PAQR5: variants seen among roughly 807,000 people sequenced by gnomAD.
The protein encoded by PAQR5 is progestin and adipoQ receptor family member 5.
PAQR5 carries 20 observed loss-of-function variants against 34.5 expected under a neutral mutation model. The observed-to-expected ratio is 0.58, with a 90% CI of 0.41 to 0.84. PAQR5 has a LOEUF of 0.84. Ranked by LOEUF, PAQR5 falls within the 40% of genes least tolerant of loss-of-function variation. The pLI is 0.00. For synonymous variants in PAQR5, 131 were observed against 155.6 expected, an observed-to-expected ratio of 0.84 and a Z score of 1.18; for missense variants, 378 against 412.7, an observed-to-expected ratio of 0.92 and a Z score of 0.73.
chr15:69,301,148 C>A (rs1449632607), intron 1 of PAQR5, among the ~76,000 whole-genome samples: 1 of 151,400 alleles, frequency 6.6e-6, no homozygotes, highest in Non-Finnish European at 1.5e-5. Context: ...GGATTACAGG[C>A]GCCTGCCACC....
At position 69,406,542 on chromosome 15, in the gene PAQR5, A is replaced by G. The variant is rs537144278; in HGVS notation, c.*2720A>G. 1 of 152,244 alleles carries G rather than the reference A, an allele frequency of 6.6e-6. No homozygotes were observed. Among genetic ancestry groups the G allele is most frequent in the African/African-American group, 2.4e-5 (1 of 41,446 alleles). The allele number at this position is 152,244 out of a possible 1,614,324, so 9.4% of individuals were successfully genotyped here. ...TCCCCTCTTCTCACTACTGCACTTG[A>G]CTAGTCTTAAAACAAAGAAAGAACG... On this transcript the variant is annotated 3_prime_UTR_variant, in exon 9 of 9. Coordinates refer to ENST00000395407, the MANE Select transcript of PAQR5 (RefSeq NM_017705.4).
chr15:69,345,441 G>A (rs1049889484), intron 2 of PAQR5, among the ~76,000 whole-genome samples: 14 of 152,180 alleles, frequency 9.2e-5, no homozygotes, highest in African/African-American at 3.4e-4. Context: ...TCCACAGAGT[G>A]TAGGCCAAAG....
At chr15:69,300,960 T>TTTCTTTCTTTCTTTCG in intron 1 of PAQR5, among the ~76,000 whole-genome samples, 1 of 56,752 alleles carries the variant, frequency 1.8e-5, no homozygotes, top group Non-Finnish European at 3.4e-5. Flanking sequence ...TCTTTCTTTC[T>TTTCTTTCTTTCTTTCG]TTCTTTCTTT....
In PAQR5 at chr15:69,404,367, C is replaced by T. The variant is rs956592036; in HGVS notation, c.*545C>T. On this transcript the variant is annotated 3_prime_UTR_variant, in exon 9 of 9. Coordinates refer to ENST00000395407, the MANE Select transcript of PAQR5 (RefSeq NM_017705.4). ...GAGCTGTCTGGGGAGAGCCCTTCTT[C>T]CCTTCTCCACCTAGTGAAGGGAGAA... The T allele has an allele frequency of 2.0e-5, 3 of 153,012 alleles. No homozygotes were observed. The highest frequency in any genetic ancestry group is 4.8e-5 in the African/African-American group (2 of 41,438). The allele number at this position is 153,012 out of a possible 1,614,324, so 9.5% of individuals were successfully genotyped here. A position where few individuals can be genotyped will look rare whatever the true frequency, so the allele number is the denominator to read the frequency against.
intron 2 of PAQR5, among the ~76,000 whole-genome samples, chr15:69,350,591 C>T (rs369184721): frequency 3.6e-4 from 55 of 151,892 alleles, no homozygotes; most frequent in Admixed American, 7.9e-4. Context: ...TGCAGTGAGC[C>T]GAGATTGAGC....
intron 4 of PAQR5, chr15:69,382,750 G>A (rs1727859530): frequency 2.3e-5 from 3 of 131,852 alleles, no homozygotes; most frequent in African/African-American, 8.8e-5. Context: ...ATATATGTGT[G>A]TATATATATG....
intron 1 of PAQR5, among the ~76,000 whole-genome samples, chr15:69,322,353 T>C (rs1004452179): frequency 6.7e-6 from 1 of 148,622 alleles, no homozygotes; most frequent in Non-Finnish European, 1.5e-5. Context: ...CTGGGCGCGG[T>C]AGCGGGCACC....
At position 69,324,684 on chromosome 15, in the gene PAQR5, G is replaced by A. The variant is rs150923107; in HGVS notation, c.-276-12657G>A. On this transcript the variant is annotated intron_variant, in intron 1 of 8. Coordinates refer to ENST00000395407, the MANE Select transcript of PAQR5 (RefSeq NM_017705.4). ...CATTCCCACCCCATTCATATGCAGC[G>A]CACACCAATTCTTCATCTGGCCTCT... is the stretch of plus-strand genomic sequence containing the variant. Among the ~76,000 whole-genome samples the A allele has an allele frequency of 3.7e-3, 568 of 152,046 alleles. 7 individuals are homozygous for A. The highest frequency in any genetic ancestry group is 0.013 in the African/African-American group (546 of 41,454).
chr15:69,397,656 G>A (rs1411911536), intron 7 of PAQR5, 92 bp downstream of exon 7: 2 of 864,310 alleles, frequency 2.3e-6, no homozygotes, highest in Non-Finnish European at 4.0e-6. Context: ...GCACTGCAAT[G>A]GGAACCGCAG....
intron 1 of PAQR5, among the ~76,000 whole-genome samples, chr15:69,311,746 A>G (rs1164288123): frequency 1.3e-5 from 2 of 152,206 alleles, no homozygotes; most frequent in African/African-American, 2.4e-5. Context: ...CTCACTGACC[A>G]AAGCCTGGTG....
At chr15:69,392,944 G>A (rs957548209) in intron 6 of PAQR5, among the ~76,000 whole-genome samples, 2 of 152,066 alleles carry the variant, frequency 1.3e-5, no homozygotes, top group Non-Finnish European at 2.9e-5. Context: ...CTTGGATGGT[G>A]GGCTGGGGGC....
At chr15:69,368,148 G>A (rs886463092) in intron 3 of PAQR5, among the ~76,000 whole-genome samples, 2 of 151,238 alleles carry the variant, frequency 1.3e-5, no homozygotes. Flanking sequence ...CCGCCTCCCA[G>A]GTTCAAACAA....
intron 6 of PAQR5, chr15:69,391,572 C>A: frequency 2.2e-6 from 1 of 446,880 alleles, no homozygotes; most frequent in South Asian, 1.6e-5. Flanking sequence ...GGTGCATGGG[C>A]TTGTGGACTG....
At chr15:69,350,083 C>T (rs1406590511) in intron 2 of PAQR5, among the ~76,000 whole-genome samples, 1 of 152,206 alleles carries the variant, frequency 6.6e-6, no homozygotes, top group East Asian at 1.9e-4. Flanking sequence ...ATGGGAAAAG[C>T]AGTCGCTTAA....
intron 1 of PAQR5, among the ~76,000 whole-genome samples, chr15:69,312,176 T>A (rs2053847670): frequency 6.6e-6 from 1 of 151,906 alleles, no homozygotes; most frequent in Non-Finnish European, 1.5e-5. Flanking sequence ...TGGAGGAAAA[T>A]CTGCAATGAG....
intron 3 of PAQR5, among the ~76,000 whole-genome samples, chr15:69,364,643 CTGTGTG>C (rs3985624): frequency 6.8e-6 from 1 of 146,362 alleles, no homozygotes; most frequent in Admixed American, 6.9e-5. Context: ...AATATGGTTG[CTGTGTG>C]TGTGTGTGTG....
intron 6 of PAQR5, chr15:69,391,698 A>C (rs572437644): frequency 2.2e-6 from 1 of 455,998 alleles, no homozygotes; most frequent in East Asian, 7.0e-5. Flanking sequence ...AGGATTAGAC[A>C]GGGAGAGTAC....
At chr15:69,360,249 G>T in intron 3 of PAQR5, 118 bp downstream of exon 3, 1 of 663,290 alleles carries the variant, frequency 1.5e-6, no homozygotes, top group Non-Finnish European at 2.6e-6. Context: ...TCCCTTCAAG[G>T]ACCCCTTCCC....
rs377460940 is a variant in PAQR5, at chr15:69,380,936, G to T, written c.179+926G>T. On this transcript the variant is annotated intron_variant, in intron 4 of 8. Transcript: ENST00000395407. ...GAGTGGAGATGGGCCCAGGCTCCCC[G>T]CACAGGGGCAGCCAGCCTGAGTAGA... is the stretch of plus-strand genomic sequence containing the variant. 6.5e-4 allele frequency among the ~76,000 whole-genome samples: 99 copies of T among 152,282 alleles called. No homozygotes were observed. The East Asian group carries it at 0.017, about 27-fold the overall frequency.
Sources: gnomAD v4.1 joint callset for allele counts (sites outside exome capture counted in the v4.1 genomes callset) on GRCh38, gnomAD v4.1.1 for gene constraint, MANE v1.5 for transcripts, NCBI Gene and HGNC (gene_info 2026-07-23, HGNC 2026-07-21) for gene names.